CADPS: variants seen among roughly 807,000 people sequenced by gnomAD.
CADPS encodes the protein calcium-dependent secretion activator 1.
Under a neutral mutation model 167.3 loss-of-function variants are expected in CADPS, and 57 were observed. The observed-to-expected ratio is 0.34, with a 90% confidence interval of 0.28 to 0.42. The LOEUF (loss-of-function observed/expected upper bound fraction) is 0.42. Among genes scored for constraint, CADPS ranks in the 20% least tolerant of loss-of-function variants. CADPS has a pLI of 1.00. For missense variants in CADPS, 1,414 were observed against 1,738.1 expected, an observed-to-expected ratio of 0.81 and a Z score of 3.32; for synonymous variants, 676 against 635.3, an observed-to-expected ratio of 1.06 and a Z score of -0.96.
intron 7 of CADPS, among the ~76,000 whole-genome samples, chr3:62,586,988 T>C (rs983153859): frequency 2.6e-5 from 4 of 152,250 alleles, no homozygotes; most frequent in African/African-American, 9.6e-5. Flanking sequence ...ACATTGGTTA[T>C]AAATCTGTAG....
At chr3:62,536,624 C>T (rs1244422257) in intron 11 of CADPS, 43 bp from the exon 12 acceptor site, 1 of 1,591,102 alleles carries the variant, frequency 6.3e-7, no homozygotes, top group East Asian at 2.2e-5. Flanking sequence ...TTTAGAGAAA[C>T]ACATCACATT....
intron 17 of CADPS, among the ~76,000 whole-genome samples, chr3:62,509,640 G>C (rs1262867651): frequency 6.6e-6 from 1 of 152,186 alleles, no homozygotes; most frequent in Non-Finnish European, 1.5e-5. Context: ...CAATTGGAGA[G>C]AAGAAAAGTC....
intron 1 of CADPS, among the ~76,000 whole-genome samples, chr3:62,846,657 G>A (rs1050621383): frequency 6.6e-6 from 1 of 151,992 alleles, no homozygotes; most frequent in African/African-American, 2.4e-5. Flanking sequence ...TTGTTTTTTG[G>A]TATTTTTTTG....
At chr3:62,643,200 T>C (rs954341771) in intron 6 of CADPS, among the ~76,000 whole-genome samples, 10 of 152,188 alleles carry the variant, frequency 6.6e-5, no homozygotes, top group African/African-American at 2.4e-4. Context: ...ACTATAGAAA[T>C]GGCAAATACA....
In CADPS at chr3:62,404,243, A is replaced by C. The variant is rs1035555026; in HGVS notation, c.3778-1058T>G. ...CAGAAAAGATGCAAAAAAGAAAGAA[A>C]TGGTTAGAGAATTGAGATGATGCAT... On this transcript the variant is annotated intron_variant, in intron 28 of 29. Coordinates refer to ENST00000383710, the MANE Select transcript of CADPS (RefSeq NM_003716.4). The C allele has an allele frequency of 3.9e-5, 6 of 152,622 alleles. No homozygotes were observed. The South Asian group carries it at 1.2e-3, about 32-fold the overall frequency. The allele number at this position is 152,622 out of a possible 1,614,324, so 9.5% of individuals were successfully genotyped here.
chr3:62,658,580 T>C (rs1323526297), intron 4 of CADPS, among the ~76,000 whole-genome samples: 1 of 152,084 alleles, frequency 6.6e-6, no homozygotes, highest in Admixed American at 6.6e-5. Flanking sequence ...TGTTGGAGGG[T>C]TAGATTCTCA....
intron 28 of CADPS, among the ~76,000 whole-genome samples, chr3:62,419,270 C>A (rs549912935): frequency 7.9e-5 from 12 of 152,238 alleles, no homozygotes; most frequent in African/African-American, 2.4e-4. Flanking sequence ...GGCAGGTGTG[C>A]AGTTTGGGCA....
chr3:62,866,906 A>C (rs934016584), intron 1 of CADPS, among the ~76,000 whole-genome samples: 1 of 152,082 alleles, frequency 6.6e-6, no homozygotes, highest in Non-Finnish European at 1.5e-5. Flanking sequence ...CACAAAGTCA[A>C]CATGTCACAG....
intron 3 of CADPS, among the ~76,000 whole-genome samples, chr3:62,704,378 C>T (rs13081797): frequency 0.079 from 12,083 of 152,126 alleles, 631 homozygotes; most frequent in Non-Finnish European, 0.12. Flanking sequence ...CTTGTCTGTG[C>T]TATAATCATG....
chr3:62,646,159 C>CT (rs1279704253), intron 5 of CADPS, among the ~76,000 whole-genome samples: 56 of 143,214 alleles, frequency 3.9e-4, no homozygotes, highest in Non-Finnish European at 7.6e-4. Flanking sequence ...AAGGAATTGG[C>CT]TCTTTTTTTT....
chr3:62,529,112 G>T (rs979273821), intron 13 of CADPS, among the ~76,000 whole-genome samples: 1 of 152,162 alleles, frequency 6.6e-6, no homozygotes, highest in Non-Finnish European at 1.5e-5. Flanking sequence ...AGTGAGCTGA[G>T]ATCATGCCAT....
chr3:62,855,060 GACTA>G (rs2079389937), intron 1 of CADPS, among the ~76,000 whole-genome samples: 1 of 149,064 alleles, frequency 6.7e-6, no homozygotes, highest in Non-Finnish European at 1.5e-5. Flanking sequence ...CAGTAGCTGG[GACTA>G]CAGGCACGTG....
rs181258948 is a variant in CADPS, at chr3:62,553,078, T to C, written c.1754-2963A>G. ...AGAGCAGGTCAATAGACCTGTAGCC[T>C]AGTCTCGTGGTATCCTTAGGAATAA... On this transcript the variant is annotated intron_variant, in intron 10 of 29. Coordinates refer to ENST00000383710, the MANE Select transcript of CADPS (RefSeq NM_003716.4). Among the ~76,000 whole-genome samples, 5 of 152,278 alleles carry C rather than the reference T, an allele frequency of 3.3e-5. No homozygotes were observed. In the East Asian group the frequency reaches 9.7e-4, roughly 29 times the overall value.
Position 62,874,703 on chromosome 3 carries a change from C to T in CADPS, c.327G>A (p.Gln109=). ...TCTTCTTCCTCTCCTCCTCCTCTTT[C>T]TGCAGCCGCTCCAACTCTTCCTTCT... ...EKEKEELERL[Q]KEEEERKKRL... is the part of the protein sequence containing the mutation. The change falls in exon 1 of 30, where the codon CAG becomes CAA. Residue 109 remains glutamine (Q), a synonymous_variant. Transcript: ENST00000383710. The surrounding 1 kb of genome is among the most constrained non-coding windows in gnomAD (Gnocchi z 7.1). The T allele has an allele frequency of 6.4e-7, 1 of 1,550,530 alleles. No homozygotes were observed.
chr3:62,410,049 T>C (rs1560006292), intron 28 of CADPS, among the ~76,000 whole-genome samples: 1 of 152,046 alleles, frequency 6.6e-6, no homozygotes, highest in South Asian at 2.1e-4. Context: ...CACACATACA[T>C]ATATACACAC....
At chr3:62,828,822 A>G (rs951282602) in intron 1 of CADPS, among the ~76,000 whole-genome samples, 12 of 152,192 alleles carry the variant, frequency 7.9e-5, no homozygotes, top group Non-Finnish European at 1.8e-4. Flanking sequence ...TATGGACCCA[A>G]TTCTACCAAT....
At chr3:62,770,549 C>T (rs1210941910) in intron 1 of CADPS, among the ~76,000 whole-genome samples, 5 of 152,086 alleles carry the variant, frequency 3.3e-5, no homozygotes, top group African/African-American at 9.7e-5. Flanking sequence ...TCTCAGCCTC[C>T]TGAGTAGCTG....
At chr3:62,687,672 T>C (rs2078305047) in intron 3 of CADPS, among the ~76,000 whole-genome samples, 1 of 151,870 alleles carries the variant, frequency 6.6e-6, no homozygotes, top group Non-Finnish European at 1.5e-5. Flanking sequence ...TACTGAAATC[T>C]TATCCTTAAA....
intron 3 of CADPS, among the ~76,000 whole-genome samples, chr3:62,685,943 A>G (rs2077954288): frequency 6.6e-6 from 1 of 152,082 alleles, no homozygotes; most frequent in African/African-American, 2.4e-5. Context: ...GATGGCTATA[A>G]TTAACAATAT....
Sources: allele counts gnomAD v4.1 joint callset (sites outside exome capture counted in the v4.1 genomes callset), GRCh38; gene constraint gnomAD v4.1.1; non-coding constraint Gnocchi (gnomAD v3.1); transcripts MANE v1.5; gene names NCBI Gene and HGNC (gene_info 2026-07-23, HGNC 2026-07-21).